Variants in FLNB observed in about 807,000 individuals in gnomAD.
FLNB encodes filamin B.
FLNB carries 111 observed loss-of-function variants against 250.6 expected under a neutral mutation model. That is an observed-to-expected ratio of 0.44 (90% confidence interval 0.38 to 0.52). The LOEUF is 0.52. Among genes scored for constraint, FLNB ranks in the 20% least tolerant of loss-of-function variants. The pLI, the probability that FLNB is intolerant of heterozygous loss-of-function variation, is 0.00. For missense variants in FLNB, 2,869 were observed against 3,447.8 expected (o/e 0.83, Z 4.20); for synonymous variants, 1,302 against 1,372.1 (o/e 0.95, Z 1.13).
intron 1 of FLNB, among the ~76,000 whole-genome samples, chr3:58,028,512 T>C: frequency 6.6e-6 from 1 of 151,708 alleles, no homozygotes; most frequent in Non-Finnish European, 1.5e-5. Context: ...ATCCCAGCAC[T>C]TTGGGAGGCT....
chr3:58,152,834 A>C, intron 38 of FLNB: 2 of 971,046 alleles, frequency 2.1e-6, no homozygotes, highest in Non-Finnish European at 2.8e-6. Context: ...ACGGCAGTGC[A>C]GGCACAGTCG....
intron 31 of FLNB, 140 bp from the exon 32 acceptor site, chr3:58,143,333 T>C: frequency 1.2e-6 from 1 of 853,408 alleles, no homozygotes; most frequent in Non-Finnish European, 1.9e-6. Context: ...TCTCCCATTG[T>C]GGGACTTGAA....
intron 1 of FLNB, among the ~76,000 whole-genome samples, chr3:58,027,942 G>T (rs1216092369): frequency 6.6e-6 from 1 of 152,190 alleles, no homozygotes; most frequent in Non-Finnish European, 1.5e-5. Flanking sequence ...TTCACAACAT[G>T]AGGCATACTC....
chr3:58,093,659 A>C (rs1048340853), intron 4 of FLNB, among the ~76,000 whole-genome samples: 3 of 145,676 alleles, frequency 2.1e-5, no homozygotes, highest in African/African-American at 7.7e-5. Context: ...ACACACACAC[A>C]CCCCTATGCA....
At chr3:58,024,510 A>G (rs2097119897) in intron 1 of FLNB, among the ~76,000 whole-genome samples, 1 of 151,956 alleles carries the variant, frequency 6.6e-6, no homozygotes, top group Non-Finnish European at 1.5e-5. Flanking sequence ...TCCAGACTAG[A>G]TGAAGAAGCA....
In FLNB at chr3:58,147,322, T is replaced by G. The variant is rs1424585924; in HGVS notation, c.5728+329T>G. The stretch of plus-strand genomic sequence containing the variant: ...TGCATGAAGTGCATGAGCTTAGACA[T>G]GCCCTTCAGCGTCACTACTAGGTAA... On this transcript the variant is annotated intron_variant, in intron 34 of 45. Transcript: ENST00000295956. 2.0e-5 allele frequency among the ~76,000 whole-genome samples: 3 copies of G among 152,238 alleles called. No individual in the cohort carries two copies. The East Asian group carries it at 5.8e-4, about 29-fold the overall frequency.
intron 1 of FLNB, among the ~76,000 whole-genome samples, chr3:58,033,024 G>A (rs527542911): frequency 6.6e-6 from 1 of 152,272 alleles, no homozygotes; most frequent in East Asian, 1.9e-4. Context: ...AGTGAGCTGA[G>A]ATTGCATGAC....
chr3:58,088,492 G>C (rs1045680055), intron 4 of FLNB, among the ~76,000 whole-genome samples: 2 of 151,922 alleles, frequency 1.3e-5, no homozygotes, highest in African/African-American at 4.8e-5. Flanking sequence ...AAAACACAGG[G>C]AGCCTCTGAA....
chr3:58,065,516 A>T (rs775697129), intron 1 of FLNB, among the ~76,000 whole-genome samples: 9 of 152,194 alleles, frequency 5.9e-5, no homozygotes, highest in Admixed American at 2.6e-4. Flanking sequence ...TCATCTGTAA[A>T]ATGGGATTAA....
chr3:58,019,221 C>T (rs1462725773), intron 1 of FLNB, among the ~76,000 whole-genome samples: 7 of 152,162 alleles, frequency 4.6e-5, no homozygotes, highest in Non-Finnish European at 7.3e-5. Context: ...CACCCTATAG[C>T]TTAACGATGG....
rs375808451 is a variant in FLNB, at chr3:58,134,738, A to G, written c.4637A>G (p.Asp1546Gly). ...GTGGACTTTGCAATTGATGCCCGAG[A>G]TGCCGGGGAAGGCCTGCTTGCTGTT... is the stretch of plus-strand genomic sequence containing the variant. Reference protein sequence around the residue: ...LPVDFAIDARDAGEGLLAVQI... With the variant: ...LPVDFAIDARGAGEGLLAVQI... Residue 1546 changes from aspartate (D) to glycine (G), a missense_variant, in exon 27 of 46, where the codon GAT becomes GGT. By Grantham distance (94) the Asp-to-Gly change is moderately conservative. Around this residue, in one of 5 missense-constraint regions of FLNB, gnomAD observed 126 missense variants for 182.0 expected, o/e 0.69. Transcript: ENST00000295956. 66 of 1,614,050 alleles carry G rather than the reference A, an allele frequency of 4.1e-5. No homozygotes were observed. Among genetic ancestry groups the G allele is most frequent in the Non-Finnish European group, 5.5e-5 (65 of 1,180,000 alleles).
intron 1 of FLNB, among the ~76,000 whole-genome samples, chr3:58,046,200 G>T (rs1438900580): frequency 6.6e-6 from 1 of 151,936 alleles, no homozygotes; most frequent in Non-Finnish European, 1.5e-5. Flanking sequence ...GGGCCTCCTT[G>T]GTTCCAGGTC....
At chr3:58,148,901 A>G in intron 36 of FLNB, 49 bp downstream of exon 36, 1 of 1,539,866 alleles carries the variant, frequency 6.5e-7, no homozygotes, top group South Asian at 1.1e-5. Context: ...GAACCGACTT[A>G]TTTTGCTGAG....
At chr3:58,119,056 T>C in intron 19 of FLNB, 67 bp downstream of exon 19, 2 of 1,178,088 alleles carry the variant, frequency 1.7e-6, no homozygotes, top group Non-Finnish European at 2.6e-6. Context: ...GGTTAGATTT[T>C]CTTCAAAAGG....
chr3:58,111,228 A>G (rs1251449252), intron 16 of FLNB, among the ~76,000 whole-genome samples: 1 of 149,482 alleles, frequency 6.7e-6, no homozygotes, highest in Non-Finnish European at 1.5e-5. Flanking sequence ...ATCCTGAAAG[A>G]GAGAATTTTG....
At chr3:58,035,752 A>T (rs2097137189) in intron 1 of FLNB, among the ~76,000 whole-genome samples, 1 of 152,166 alleles carries the variant, frequency 6.6e-6, no homozygotes, top group East Asian at 1.9e-4. Context: ...AAGTTTTGAG[A>T]ATTCCTAGTT....
chr3:58,105,151 G>A lies in FLNB; in HGVS notation c.1682G>A (p.Gly561Asp). The change falls in exon 11 of 46, where the codon GGT (glycine) becomes GAT (aspartate). Residue 561 changes from glycine (G) to aspartate (D), a missense_variant. Transcript: ENST00000295956. ...CGTGCTTGGGGCCCTGGGCTCCATG[G>A]TGGGATTGTCGGGCGGTCAGCGGAC... The part of the protein sequence containing the change: ...KVRAWGPGLH[G>D]GIVGRSADFV... The A allele has an allele frequency of 6.2e-7, 1 of 1,614,236 alleles. No individual in the cohort carries two copies. Among genetic ancestry groups the A allele is most frequent in the Non-Finnish European group, 8.5e-7 (1 of 1,180,050 alleles).
chr3:58,143,179 A>G (rs755217468), intron 31 of FLNB, among the ~76,000 whole-genome samples: 5 of 151,746 alleles, frequency 3.3e-5, no homozygotes, highest in African/African-American at 7.3e-5. Context: ...TTGATGCTCT[A>G]TGTATCCAGC....
chr3:58,046,180 G>A (rs1231663093), intron 1 of FLNB, among the ~76,000 whole-genome samples: 1 of 152,002 alleles, frequency 6.6e-6, no homozygotes, highest in Non-Finnish European at 1.5e-5. Flanking sequence ...GCTGGGCTGG[G>A]CTAGAACCTG....
Sources: gnomAD v4.1 joint callset for allele counts (sites outside exome capture counted in the v4.1 genomes callset) on GRCh38, gnomAD v4.1.1 for gene constraint, gnomAD v4.1.1 regional missense constraint, MANE v1.5 for transcripts, NCBI Gene and HGNC (gene_info 2026-07-23, HGNC 2026-07-21) for gene names.